Variants in MTMR4 observed in about 807,000 individuals in gnomAD.
The protein encoded by MTMR4 is myotubularin related protein 4.
A neutral mutation model predicts 125.5 loss-of-function variants in MTMR4; 30 were observed. The ratio of observed to expected loss-of-function variants is 0.24; its 90% CI spans 0.18 to 0.32. MTMR4 has a LOEUF of 0.32. Among genes scored for constraint, MTMR4 ranks in the 10% least tolerant of loss-of-function variants. The pLI, the probability that MTMR4 is intolerant of heterozygous loss-of-function variation, is 1.00. For missense variants in MTMR4, 1,039 were observed against 1,511.5 expected (o/e 0.69, Z 5.18); for synonymous variants, 498 against 564.5 (o/e 0.88, Z 1.67).
In MTMR4 at chr17:58,504,986, C is replaced by G; in HGVS notation, c.1146-12G>C. 6.3e-7 allele frequency: 1 copy of G among 1,588,502 alleles called. No homozygotes were observed. Among genetic ancestry groups the G allele is most frequent in the South Asian group, 1.1e-5 (1 of 87,506 alleles). On this transcript the variant is annotated splice_polypyrimidine_tract_variant and intron_variant, in intron 10 of 17. Coordinates refer to ENST00000682306, the MANE Select transcript of MTMR4 (RefSeq NM_001378067.1). This position sits in a 1 kb window ranked among gnomAD's most constrained non-coding sequence, Gnocchi z 7.1. ...GTGCCGACAACCAGCTACACAAAAG[C>G]AGACATCAAGTCGGTCACAAAGGGT... is the stretch of plus-strand genomic sequence containing the variant.
At position 58,495,545 on chromosome 17, in the gene MTMR4, C is replaced by T. The variant is rs766557166; in HGVS notation, c.2639G>A (p.Arg880Lys). Residue 880 changes from arginine to lysine, a missense_variant, in exon 15 of 18, where the codon AGA (arginine) becomes AAA (lysine). Transcript: ENST00000682306. ...LTHGEEDIGK[R>K]GNNRNGQLLE... ...TAACTGCCCATTCCTATTATTTCCT[C>T]TTTTACCAATGTCTTCCTCCCCATG... 8.7e-6 allele frequency: 14 copies of T among 1,614,204 alleles called. No homozygotes were observed. In the South Asian group the frequency reaches 1.5e-4, roughly 18 times the overall value.
At chr17:58,506,686 C>T in intron 9 of MTMR4, 57 bp downstream of exon 9, 1 of 1,593,598 alleles carries the variant, frequency 6.3e-7, no homozygotes, top group Non-Finnish European at 8.6e-7. Flanking sequence ...CAACCCCCTC[C>T]TCACCAAAGC....
chr17:58,499,510 T>C (rs896626355), intron 14 of MTMR4, among the ~76,000 whole-genome samples: 1 of 152,076 alleles, frequency 6.6e-6, no homozygotes, highest in Non-Finnish European at 1.5e-5. Flanking sequence ...GTGACTGCAC[T>C]CCAGCTGGGC....
upstream of MTMR4, among the ~76,000 whole-genome samples, chr17:58,514,805 G>A (rs1188762726): frequency 2.0e-5 from 3 of 152,056 alleles, no homozygotes; most frequent in African/African-American, 7.2e-5. Context: ...TCAGGAATCT[G>A]GGCTACGGGA....
intron 14 of MTMR4, among the ~76,000 whole-genome samples, chr17:58,500,681 C>T (rs1349772069): frequency 1.5e-5 from 2 of 136,356 alleles, no homozygotes; most frequent in African/African-American, 5.6e-5. Context: ...ACCCGGGAGG[C>T]GGAGGTTGCA....
At chr17:58,510,269 A>G (rs1975891443) in intron 4 of MTMR4, among the ~76,000 whole-genome samples, 2 of 152,258 alleles carry the variant, frequency 1.3e-5, no homozygotes, top group South Asian at 4.1e-4. Context: ...TTCTCAGGTC[A>G]TATAACCCAC....
rs2108911 is a variant in MTMR4 at position 58,493,139 on chromosome 17, C to A, written c.3253-187G>T. On this transcript the variant is annotated intron_variant, in intron 15 of 17. Transcript: ENST00000682306. The stretch of plus-strand genomic sequence containing the variant: ...TGAAGCCACAGAGAAAGAGCTGATA[C>A]GTAGTAAAGCTGGGATTTGAACCTA... Among the ~76,000 whole-genome samples the A allele has an allele frequency of 2.8e-4, 42 of 152,322 alleles. No homozygotes were observed. The East Asian group carries it at 4.8e-3, about 17-fold the overall frequency.
At position 58,508,152 on chromosome 17, in the gene MTMR4, C is replaced by T; in HGVS notation, c.707+9G>A. 1 of 1,609,214 alleles carries T rather than the reference C, an allele frequency of 6.2e-7. No homozygotes were observed. The highest frequency in any genetic ancestry group is 8.5e-7 in the Non-Finnish European group (1 of 1,176,232). ...ATGGCCTCCCTACTTCCCAGCCCCA[C>T]TGCCTCACCTATACACAACCACGGG... On this transcript the variant is annotated intron_variant, in intron 7 of 17. Coordinates refer to ENST00000682306, the MANE Select transcript of MTMR4 (RefSeq NM_001378067.1). The surrounding 1 kb of genome is among the most constrained non-coding windows in gnomAD (Gnocchi z 4.8).
rs892178912 is a variant in MTMR4 at position 58,490,388 on chromosome 17, G to A, written c.*1275C>T. 6.6e-6 allele frequency: 1 copy of A among 152,294 alleles called. No individual in the cohort carries two copies. The highest frequency in any genetic ancestry group is 1.5e-5 in the Non-Finnish European group (1 of 68,004). 9.4% of individuals were successfully genotyped at this position (152,294 alleles called of 1,614,324 possible). On this transcript the variant is annotated 3_prime_UTR_variant, in exon 18 of 18. Transcript: ENST00000682306. ...TGTATCTTTTGGTTAAGTGCCACTG[G>A]TACATATTAAGATGAAAAAAAACAA...
rs550175540 is a variant in MTMR4 at position 58,504,396 on chromosome 17, G to A, written c.1434C>T (p.Asn478=). 35 of 1,614,102 alleles carry A rather than the reference G, an allele frequency of 2.2e-5. No individual in the cohort carries two copies. Among genetic ancestry groups the A allele is most frequent in the Middle Eastern group, 3.3e-4 (2 of 6,062 alleles). The change falls in exon 12 of 18, where the codon AAC becomes AAT. Residue 478 remains asparagine, a synonymous_variant. Transcript: ENST00000682306. This position sits in a 1 kb window ranked among gnomAD's most constrained non-coding sequence, Gnocchi z 7.1. ...ACTGGAGGAACACAGGGCATTGTTC[G>A]TTTTGGTCCTCCACATTCTCTTGGT... is the stretch of plus-strand genomic sequence containing the variant. ...CGHQENVEDQ[N]EQCPVFLQWL...
At position 58,512,347 on chromosome 17, in the gene MTMR4, A is replaced by G; in HGVS notation, c.252+43T>C. 3 of 1,489,880 alleles carry G rather than the reference A, an allele frequency of 2.0e-6. No homozygotes were observed. Among genetic ancestry groups the G allele is most frequent in the Non-Finnish European group, 2.8e-6 (3 of 1,067,210 alleles). 92.3% of individuals were successfully genotyped at this position (1,489,880 alleles called of 1,614,324 possible). On this transcript the variant is annotated intron_variant, in intron 3 of 17. Transcript: ENST00000682306. This position sits in a 1 kb window ranked among gnomAD's most constrained non-coding sequence, Gnocchi z 4.1. ...GGAACAATCCCACCTTGAACTTCAT[A>G]GGGATTCTAGCTTAGGGGTAGGAGA...
At position 58,512,599 on chromosome 17, in the gene MTMR4, G is replaced by A. The variant is rs1975962683; in HGVS notation, c.136-93C>T. 1.9e-6 allele frequency: 2 copies of A among 1,080,300 alleles called. No individual in the cohort carries two copies. Among genetic ancestry groups the A allele is most frequent in the Non-Finnish European group, 2.8e-6 (2 of 709,694 alleles). 66.9% of individuals were successfully genotyped at this position (1,080,300 alleles called of 1,614,324 possible). On this transcript the variant is annotated intron_variant, in intron 2 of 17. Coordinates refer to ENST00000682306, the MANE Select transcript of MTMR4 (RefSeq NM_001378067.1). This position sits in a 1 kb window ranked among gnomAD's most constrained non-coding sequence, Gnocchi z 4.1. ...GATCTGTGGGATCCCCTCTGGAAAA[G>A]GTGGGCCAAGGCAAGAGAGGAGAGT...
Position 58,507,159 on chromosome 17 carries a change from T to A in MTMR4, c.868A>T (p.Asn290Tyr). The change falls in exon 8 of 18, where the codon AAT (asparagine) becomes TAT (tyrosine). Residue 290 changes from asparagine to tyrosine, a missense_variant. This residue lies in a region of MTMR4 where 49 missense variants were observed against 68.4 expected (regional missense o/e 0.72). Coordinates refer to ENST00000682306, the MANE Select transcript of MTMR4 (RefSeq NM_001378067.1). The stretch of plus-strand genomic sequence containing the variant: ...TCACACGCCTCGCTGGTATCATTAT[T>A]CCCGGTGCTGAGGGAGCCCCCAGTG... ...RATGGSLSTG[N>Y]NDTSEACDAD... 1 of 1,614,150 alleles carries A rather than the reference T, an allele frequency of 6.2e-7. No homozygotes were observed. Among genetic ancestry groups the A allele is most frequent in the Admixed American group, 1.7e-5 (1 of 60,026 alleles).
At chr17:58,497,635 ACT>A (rs1282747487) in intron 14 of MTMR4, among the ~76,000 whole-genome samples, 3 of 152,296 alleles carry the variant, frequency 2.0e-5, no homozygotes, top group South Asian at 4.1e-4. Flanking sequence ...TGAAGGCAGG[ACT>A]CTGTCTTATT....
At chr17:58,515,205 G>T, upstream of MTMR4, 1 of 300,862 alleles carries the variant, frequency 3.3e-6, no homozygotes, top group Non-Finnish European at 4.9e-6. Context: ...GAGGAGAAAG[G>T]ATTTCTTAGT....
rs1458421107 is a variant in MTMR4 at position 58,504,570 on chromosome 17, G to A, written c.1342-82C>T. ...CTCCCCTGGGAACTGCCCAAAGCAG[G>A]AAGCTGGCAGCTTCAAAGAAAAATA... On this transcript the variant is annotated intron_variant, in intron 11 of 17. Coordinates refer to ENST00000682306, the MANE Select transcript of MTMR4 (RefSeq NM_001378067.1). This position sits in a 1 kb window ranked among gnomAD's most constrained non-coding sequence, Gnocchi z 7.1. 7 of 1,491,014 alleles carry A rather than the reference G, an allele frequency of 4.7e-6. No homozygotes were observed. The highest frequency in any genetic ancestry group is 1.4e-5 in the African/African-American group (1 of 71,054). 92.4% of individuals were successfully genotyped at this position (1,491,014 alleles called of 1,614,324 possible).
chr17:58,504,310 G>T lies in MTMR4; in HGVS notation c.1520C>A (p.Ala507Glu). ...ACAGGCCTTAGGACTTACCAGGAAT[G>T]CTTCATTAAATTCAAACAGGCAGGG... The part of the protein sequence containing the change: ...QFPCLFEFNE[A>E]FLVKLVQHTY... Residue 507 changes from alanine (A) to glutamate (E), a missense_variant, in exon 12 of 18, where the codon GCA (alanine) becomes GAA (glutamate). Physicochemically the swap from Ala to Glu is moderately radical, Grantham distance 107. Transcript: ENST00000682306. The surrounding 1 kb of genome is among the most constrained non-coding windows in gnomAD (Gnocchi z 7.1). 1 of 1,613,596 alleles carries T rather than the reference G, an allele frequency of 6.2e-7. No individual in the cohort carries two copies. The highest frequency in any genetic ancestry group is 8.5e-7 in the Non-Finnish European group (1 of 1,179,570).
chr17:58,518,359 C>T (rs1418721926), upstream of MTMR4, among the ~76,000 whole-genome samples: 1 of 152,168 alleles, frequency 6.6e-6, no homozygotes, highest in Non-Finnish European at 1.5e-5. Flanking sequence ...TATCCATTCC[C>T]GTTTTGGTTT....
At position 58,495,228 on chromosome 17, in the gene MTMR4, A is replaced by C; in HGVS notation, c.2956T>G (p.Cys986Gly). ...TGGTTCTTTCCTCCTGGGCCAGTAC[A>C]ATGTCCATTGGAATGACTAGAACAG... ...PVCSSHSNGHCTGPGGKNQMW... is the reference protein window; with the variant it reads ...PVCSSHSNGHGTGPGGKNQMW... Residue 986 changes from cysteine (C) to glycine (G), a missense_variant, in exon 15 of 18, where the codon TGT becomes GGT. Transcript: ENST00000682306. 1 of 1,614,172 alleles carries C rather than the reference A, an allele frequency of 6.2e-7. No homozygotes were observed. Among genetic ancestry groups the C allele is most frequent in the Non-Finnish European group, 8.5e-7 (1 of 1,180,020 alleles).
Sources: allele counts gnomAD v4.1 joint callset (sites outside exome capture counted in the v4.1 genomes callset), GRCh38; gene constraint gnomAD v4.1.1; regional missense constraint gnomAD v4.1.1; non-coding constraint Gnocchi (gnomAD v3.1); transcripts MANE v1.5; gene names NCBI Gene and HGNC (gene_info 2026-07-23, HGNC 2026-07-21).